STX8: variants seen among roughly 807,000 people sequenced by gnomAD.
STX8 encodes syntaxin 8, also known as syntaxin-8.
STX8 carries 23 observed loss-of-function variants against 37.5 expected under a neutral mutation model. That is an observed-to-expected ratio of 0.61 (90% CI 0.44 to 0.87). The LOEUF (loss-of-function observed/expected upper bound fraction) is 0.87. Among genes scored for constraint, STX8 ranks in the 40% least tolerant of loss-of-function variants. The pLI is 0.00. For synonymous variants in STX8, 115 were observed against 99.1 expected (o/e 1.16, Z -0.95); for missense variants, 313 against 284.7 (o/e 1.10, Z -0.71).
At chr17:9,471,227 C>G (rs1472708756) in intron 6 of STX8, among the ~76,000 whole-genome samples, 2 of 147,826 alleles carry the variant, frequency 1.4e-5, no homozygotes, top group African/African-American at 5.0e-5. Flanking sequence ...TCTTGGCTCA[C>G]TGCAACCTCC....
rs139647736 is a variant in STX8, at chr17:9,363,488, G to A, written c.643+15064C>T. Among the ~76,000 whole-genome samples the A allele has an allele frequency of 1.5e-3, 233 of 152,276 alleles. 2 individuals carry two copies. Among genetic ancestry groups the A allele is most frequent in the East Asian group, 8.5e-3 (44 of 5,184 alleles). ...AAATAGTGTCGGGAAAGCATACTTT[G>A]AGTATGCAAAACTAAGTCTGTCCCA... On this transcript the variant is annotated intron_variant, in intron 7 of 7. Coordinates refer to ENST00000306357, the MANE Select transcript of STX8 (RefSeq NM_004853.3).
chr17:9,376,016 AG>A (rs1911568405), intron 7 of STX8, among the ~76,000 whole-genome samples: 1 of 152,156 alleles, frequency 6.6e-6, no homozygotes, highest in Non-Finnish European at 1.5e-5. Flanking sequence ...CACTTTACAT[AG>A]TCCATACAAC....
At chr17:9,264,374 G>A (rs747418470) in intron 7 of STX8, among the ~76,000 whole-genome samples, 4 of 152,132 alleles carry the variant, frequency 2.6e-5, no homozygotes, top group Non-Finnish European at 5.9e-5. Context: ...GCATGGTCAC[G>A]GCTCACTGTA....
intron 7 of STX8, among the ~76,000 whole-genome samples, chr17:9,308,721 CAAA>C (rs1171647976): frequency 1.1e-4 from 8 of 71,364 alleles, no homozygotes; most frequent in Middle Eastern, 8.5e-3. Context: ...GAAACTCCGT[CAAA>C]AAAAAAAAAA....
At chr17:9,264,584 C>T (rs181552927) in intron 7 of STX8, among the ~76,000 whole-genome samples, 90 of 152,258 alleles carry the variant, frequency 5.9e-4, no homozygotes, top group Non-Finnish European at 1.0e-3. Flanking sequence ...TGATTACAGG[C>T]ATGAGCCACT....
intron 7 of STX8, among the ~76,000 whole-genome samples, chr17:9,254,413 T>G (rs948370002): frequency 8.5e-5 from 13 of 152,142 alleles, no homozygotes; most frequent in African/African-American, 2.9e-4. Flanking sequence ...AAATCTTTTT[T>G]TTTTTTGAGA....
At chr17:9,487,199 G>A (rs1397253552) in intron 6 of STX8, among the ~76,000 whole-genome samples, 1 of 152,116 alleles carries the variant, frequency 6.6e-6, no homozygotes, top group African/African-American at 2.4e-5. Context: ...CAGCTTTGTG[G>A]TTATACTCTA....
intron 7 of STX8, among the ~76,000 whole-genome samples, chr17:9,347,105 G>C (rs972212371): frequency 6.7e-6 from 1 of 150,278 alleles, no homozygotes. Context: ...CCACAGCCTG[G>C]GCAACAAGAG....
intron 2 of STX8, among the ~76,000 whole-genome samples, chr17:9,565,941 A>G (rs1007133956): frequency 6.6e-6 from 1 of 152,218 alleles, no homozygotes; most frequent in Non-Finnish European, 1.5e-5. Flanking sequence ...ATTGCAACAA[A>G]AGCAAAAATT....
Position 9,333,183 on chromosome 17 carries a change from G to A in STX8, c.643+45369C>T, listed in dbSNP as rs369894483. Among the ~76,000 whole-genome samples, 8 of 152,074 alleles carry A rather than the reference G, an allele frequency of 5.3e-5. No homozygotes were observed. In the East Asian group the frequency reaches 5.8e-4, roughly 11 times the overall value. On this transcript the variant is annotated intron_variant, in intron 7 of 7. Transcript: ENST00000306357. ...TGTGTGACACTGAGGTTTAAGGTACGAATGATCCCCTCAGCGAGGTAGTGA... is the reference window on the plus strand; with the variant it reads ...TGTGTGACACTGAGGTTTAAGGTACAAATGATCCCCTCAGCGAGGTAGTGA...
At chr17:9,448,635 G>C (rs1253226070) in intron 6 of STX8, among the ~76,000 whole-genome samples, 10 of 151,708 alleles carry the variant, frequency 6.6e-5, no homozygotes, top group African/African-American at 2.4e-4. Flanking sequence ...ACCTATCTAT[G>C]TATATAAAAT....
intron 7 of STX8, among the ~76,000 whole-genome samples, chr17:9,357,182 G>A (rs1323873504): frequency 4.0e-5 from 6 of 151,534 alleles, no homozygotes; most frequent in East Asian, 4.0e-4. Context: ...CCAGGCTGGC[G>A]GTCTCAAACT....
intron 6 of STX8, among the ~76,000 whole-genome samples, chr17:9,438,240 C>CAAAA (rs1297626169): frequency 7.5e-5 from 5 of 66,294 alleles, no homozygotes; most frequent in African/African-American, 2.3e-4. Flanking sequence ...GACTCCATCT[C>CAAAA]AAAAAAAAAA....
chr17:9,558,679 T>C (rs62064098), intron 2 of STX8, among the ~76,000 whole-genome samples: 1 of 151,910 alleles, frequency 6.6e-6, no homozygotes, highest in Non-Finnish European at 1.5e-5. Context: ...AAAAATTAGC[T>C]GGGCGCGGTG....
intron 5 of STX8, among the ~76,000 whole-genome samples, chr17:9,496,509 A>T (rs1185910618): frequency 6.6e-6 from 1 of 152,228 alleles, no homozygotes; most frequent in Non-Finnish European, 1.5e-5. Context: ...ATCAGTCATT[A>T]TTCTATTTTA....
chr17:9,302,317 A>T (rs567185248), intron 7 of STX8, among the ~76,000 whole-genome samples: 1 of 152,224 alleles, frequency 6.6e-6, no homozygotes, highest in South Asian at 2.1e-4. Flanking sequence ...TACTTGGCAG[A>T]CATTTGCCTA....
At chr17:9,304,507 C>CAAAA (rs35673905) in intron 7 of STX8, among the ~76,000 whole-genome samples, 3 of 56,860 alleles carry the variant, frequency 5.3e-5, no homozygotes, top group African/African-American at 1.5e-4. Context: ...GAAACTGTCT[C>CAAAA]AAAAAAAAAA....
intron 7 of STX8, among the ~76,000 whole-genome samples, chr17:9,349,461 G>GA (rs1474091286): frequency 2.0e-5 from 3 of 150,698 alleles, no homozygotes; most frequent in Non-Finnish European, 3.0e-5. Flanking sequence ...GCTGGAATTA[G>GA]AAGTGCCCAC....
chr17:9,325,423 T>C lies in STX8; in HGVS notation c.643+53129A>G, dbSNP rs190112311. Among the ~76,000 whole-genome samples the C allele has an allele frequency of 1.5e-3, 222 of 152,284 alleles. 1 individual carries two copies. Among genetic ancestry groups the C allele is most frequent in the African/African-American group, 4.9e-3 (202 of 41,558 alleles). On this transcript the variant is annotated intron_variant, in intron 7 of 7. Coordinates refer to ENST00000306357, the MANE Select transcript of STX8 (RefSeq NM_004853.3). ...TCAGGAAATCCCCAAGACCCATCTA[T>C]GGACTTGTGGCCCTGTTAAGGTAAA...
Sources: gnomAD v4.1 joint callset for allele counts (sites outside exome capture counted in the v4.1 genomes callset) on GRCh38, gnomAD v4.1.1 for gene constraint, MANE v1.5 for transcripts, NCBI Gene and HGNC (gene_info 2026-07-23, HGNC 2026-07-21) for gene names.